The following EDAR variants were observed in gnomAD, a reference collection of about 807,000 sequenced individuals.
The protein encoded by EDAR is tumor necrosis factor receptor superfamily member EDAR.
Under a neutral mutation model 51.3 loss-of-function variants are expected in EDAR, and 38 were observed. The observed-to-expected ratio is 0.74, with a 90% CI of 0.57 to 0.97. The LOEUF is 0.97. Among genes scored for constraint, EDAR ranks in the 50% least tolerant of loss-of-function variants. The pLI, the probability that EDAR is intolerant of heterozygous loss-of-function variation, is 0.00. For synonymous variants in EDAR, 227 were observed against 242.1 expected (o/e 0.94, Z 0.58); for missense variants, 528 against 595.0 (o/e 0.89, Z 1.17).
intron 1 of EDAR, among the ~76,000 whole-genome samples, chr2:108,956,954 A>G (rs556006515): frequency 6.6e-6 from 1 of 152,140 alleles, no homozygotes; most frequent in East Asian, 1.9e-4. Context: ...ACGCCCCGCT[A>G]ATTTTTTGTA....
chr2:108,932,027 C>T (rs986800619), intron 1 of EDAR, among the ~76,000 whole-genome samples: 1 of 152,148 alleles, frequency 6.6e-6, no homozygotes, highest in African/African-American at 2.4e-5. Flanking sequence ...ACCTTTCACC[C>T]TCAGAATTCT....
rs913524730 is a variant in EDAR, at chr2:108,896,289, A to T, written c.*618T>A. On this transcript the variant is annotated 3_prime_UTR_variant, in exon 12 of 12. Transcript: ENST00000258443. Reference sequence around the variant, plus strand: ...TCCTAATGAAACCACATAGGGTATTAACAGACTTGTACTAAACCTGAAATA... The same window carrying T: ...TCCTAATGAAACCACATAGGGTATTTACAGACTTGTACTAAACCTGAAATA... 1 of 153,574 alleles carries T rather than the reference A, an allele frequency of 6.5e-6. No individual in the cohort carries two copies. Among genetic ancestry groups the T allele is most frequent in the African/African-American group, 2.4e-5 (1 of 41,452 alleles). 9.5% of individuals were successfully genotyped at this position (153,574 alleles called of 1,614,324 possible).
In EDAR at chr2:108,982,980, T is replaced by A. The variant is rs575092087; in HGVS notation, c.-19+5980A>T. Among the ~76,000 whole-genome samples the A allele has an allele frequency of 2.0e-5, 3 of 152,326 alleles. No individual in the cohort carries two copies. The East Asian group carries it at 5.8e-4, about 29-fold the overall frequency. On this transcript the variant is annotated intron_variant, in intron 1 of 11. Transcript: ENST00000258443. ...GAATGAGCTAAAATTCAAAAAGAGT[T>A]CTGCTGAATGTAAATGGTACTTATT...
rs901116756 is a variant in EDAR at position 108,911,002 on chromosome 2, G to A, written c.600C>T (p.Ile200=). 4.3e-6 allele frequency: 7 copies of A among 1,613,996 alleles called. No homozygotes were observed. The highest frequency in any genetic ancestry group is 4.5e-5 in the East Asian group (2 of 44,878). The change falls in exon 7 of 12, where the codon ATC becomes ATT. Residue 200 remains isoleucine (I), a synonymous_variant. Coordinates refer to ENST00000258443, the MANE Select transcript of EDAR (RefSeq NM_022336.4). ...IAMSTIFIMA[I]AIVLIIMFYI... Reference sequence around the variant, plus strand: ...AGAACATGATGATGAGGACGATGGCGATGGCCATGATGAAGATGGTGGACA... The same window carrying A: ...AGAACATGATGATGAGGACGATGGCAATGGCCATGATGAAGATGGTGGACA...
intron 2 of EDAR, 89 bp from the exon 3 acceptor site, chr2:108,930,331 G>T: frequency 6.6e-7 from 1 of 1,518,930 alleles, no homozygotes; most frequent in Non-Finnish European, 9.1e-7. Flanking sequence ...ATAGGAAGGG[G>T]GTGCCCTGCG....
chr2:108,910,741 G>T, intron 8 of EDAR, 35 bp downstream of exon 8: 6 of 1,608,780 alleles, frequency 3.7e-6, no homozygotes, highest in Non-Finnish European at 5.1e-6. Context: ...GATGGGCACC[G>T]TGCACATGGT....
At chr2:108,925,244 T>C (rs574399582) in intron 4 of EDAR, among the ~76,000 whole-genome samples, 1 of 152,324 alleles carries the variant, frequency 6.6e-6, no homozygotes, top group Middle Eastern at 3.4e-3. Context: ...TCTGTAAACA[T>C]TGGCTGAATG....
Position 108,906,381 on chromosome 2 carries a change from G to C in EDAR, c.964-13C>G, listed in dbSNP as rs772683408. ...TCCGGCTTTGAATCTGTGAAAAAGA[G>C]TCGAGAATTTTCATCTCCAGAAAGG... On this transcript the variant is annotated splice_polypyrimidine_tract_variant and intron_variant, in intron 10 of 11. Transcript: ENST00000258443. 13 of 1,614,020 alleles carry C rather than the reference G, an allele frequency of 8.1e-6. 1 individual carries two copies. In the South Asian group the frequency reaches 1.2e-4, roughly 15 times the overall value.
At chr2:108,971,446 G>T (rs4676046) in intron 1 of EDAR, among the ~76,000 whole-genome samples, 29,338 of 151,918 alleles carry the variant, frequency 0.19, 4,414 homozygotes, top group East Asian at 0.84. Context: ...ACTCCAGAAG[G>T]AGGACTCTCA....
intron 1 of EDAR, among the ~76,000 whole-genome samples, chr2:108,967,370 G>T (rs1425738372): frequency 6.6e-6 from 1 of 152,182 alleles, no homozygotes; most frequent in African/African-American, 2.4e-5. Flanking sequence ...TTCTCCCTGA[G>T]GCTGCAGCAA....
At chr2:108,953,962 T>G (rs1463857149) in intron 1 of EDAR, among the ~76,000 whole-genome samples, 2 of 152,166 alleles carry the variant, frequency 1.3e-5, no homozygotes, top group Admixed American at 1.3e-4. Flanking sequence ...ATTACCAAGA[T>G]CCTAAAACTT....
At chr2:108,968,238 G>T (rs1025153174) in intron 1 of EDAR, among the ~76,000 whole-genome samples, 7 of 152,166 alleles carry the variant, frequency 4.6e-5, no homozygotes, top group African/African-American at 1.4e-4. Flanking sequence ...TGTTGGAAAT[G>T]AAGAACCTGG....
intron 1 of EDAR, among the ~76,000 whole-genome samples, chr2:108,969,213 CTTT>C (rs113574008): frequency 6.8e-6 from 1 of 148,126 alleles, no homozygotes; most frequent in Non-Finnish European, 1.5e-5. Flanking sequence ...TGACAACCTT[CTTT>C]TTTTTTTTCC....
chr2:108,908,069 C>A, intron 9 of EDAR, 50 bp from the exon 10 acceptor site: 1 of 1,548,020 alleles, frequency 6.5e-7, no homozygotes. Flanking sequence ...GGGGCTGCAG[C>A]CCTGACAAGT....
chr2:108,928,955 T>C (rs1697309139), intron 4 of EDAR, among the ~76,000 whole-genome samples: 1 of 152,208 alleles, frequency 6.6e-6, no homozygotes, highest in Non-Finnish European at 1.5e-5. Flanking sequence ...TCAGAAGATA[T>C]TATGATGGTT....
In EDAR at chr2:108,929,091, C is replaced by T. The variant is rs552518070; in HGVS notation, c.356+107G>A. On this transcript the variant is annotated intron_variant, in intron 4 of 11. Transcript: ENST00000258443. Reference sequence around the variant, plus strand: ...ACCAAGGCCAGGTGTGCGGCTGCACCGAGGCCTGCAGTATCCATGACCCCT... The same window carrying T: ...ACCAAGGCCAGGTGTGCGGCTGCACTGAGGCCTGCAGTATCCATGACCCCT... 3.7e-5 allele frequency: 48 copies of T among 1,314,426 alleles called. No individual in the cohort carries two copies. The East Asian group carries it at 6.3e-4, about 17-fold the overall frequency. The allele number at this position is 1,314,426 out of a possible 1,614,324, so 81.4% of individuals were successfully genotyped here. A position where few individuals can be genotyped will look rare whatever the true frequency, so the allele number is the denominator to read the frequency against.
intron 1 of EDAR, among the ~76,000 whole-genome samples, chr2:108,967,525 T>C (rs1343008332): frequency 6.6e-6 from 1 of 152,088 alleles, no homozygotes; most frequent in Non-Finnish European, 1.5e-5. Flanking sequence ...TCAAAGAGGT[T>C]TACAACAGTC....
At chr2:108,948,656 A>G (rs1697762330) in intron 1 of EDAR, among the ~76,000 whole-genome samples, 1 of 152,176 alleles carries the variant, frequency 6.6e-6, no homozygotes, top group African/African-American at 2.4e-5. Flanking sequence ...CCAGACACTT[A>G]TCAAACAACC....
chr2:108,932,870 G>A (rs551321066), intron 1 of EDAR, among the ~76,000 whole-genome samples: 2 of 152,334 alleles, frequency 1.3e-5, no homozygotes, highest in South Asian at 2.1e-4. Context: ...TTAACTTGTG[G>A]AACTAATCAG....
Sources: allele counts gnomAD v4.1 joint callset (sites outside exome capture counted in the v4.1 genomes callset), GRCh38; gene constraint gnomAD v4.1.1; transcripts MANE v1.5; gene names NCBI Gene and HGNC (gene_info 2026-07-23, HGNC 2026-07-21).